RTP2: variants seen among roughly 807,000 people sequenced by gnomAD.
RTP2 encodes the protein receptor-transporting protein 2.
In RTP2, 12 loss-of-function variants were observed where a neutral mutation model predicts 17.9. The observed-to-expected ratio is 0.67, with a 90% CI of 0.43 to 1.09. RTP2 has a LOEUF of 1.09. Among genes scored for constraint, RTP2 ranks in the 50% least tolerant of loss-of-function variants. The pLI, the probability that RTP2 is intolerant of heterozygous loss-of-function variation, is 0.00. For synonymous variants in RTP2, 126 were observed against 117.7 expected (o/e 1.07, Z -0.46); for missense variants, 327 against 295.7 (o/e 1.11, Z -0.78).
At chr3:187,709,144 C>T in the RTP2 span, among the ~76,000 whole-genome samples, 1 of 152,038 alleles carries the variant, frequency 6.6e-6, no homozygotes, top group African/African-American at 2.4e-5. Flanking sequence ...TATTGTTAAA[C>T]ATTTAGAATT....
chr3:187,708,167 T>C, the RTP2 span, among the ~76,000 whole-genome samples: 17 of 152,232 alleles, frequency 1.1e-4, no homozygotes, highest in Non-Finnish European at 2.5e-4. Context: ...TCTCCAGTAG[T>C]ACATCAGCAT....
At chr3:187,705,329 T>C (rs1717964891), upstream of RTP2, among the ~76,000 whole-genome samples, 1 of 152,144 alleles carries the variant, frequency 6.6e-6, no homozygotes, top group African/African-American at 2.4e-5. Context: ...TCTGTTGAGC[T>C]GAGGCTCAAC....
At chr3:187,712,395 T>C in the RTP2 span, among the ~76,000 whole-genome samples, 1 of 152,204 alleles carries the variant, frequency 6.6e-6, no homozygotes. Flanking sequence ...ATTTATTATG[T>C]TTTGTCATAG....
chr3:187,709,757 A>T, the RTP2 span, among the ~76,000 whole-genome samples: 1 of 98,374 alleles, frequency 1.0e-5, no homozygotes, highest in Non-Finnish European at 2.6e-5. Context: ...CATCATTAAA[A>T]TTTGAAAAAA....
chr3:187,714,525 C>T, the RTP2 span, among the ~76,000 whole-genome samples: 31 of 152,372 alleles, frequency 2.0e-4, no homozygotes, highest in African/African-American at 7.5e-4. Context: ...TTTATACCTT[C>T]CTGCTTCCCT....
intron 1 of RTP2, among the ~76,000 whole-genome samples, chr3:187,699,729 CCACACACACA>C (rs1328615413): frequency 2.3e-4 from 27 of 116,534 alleles, no homozygotes; most frequent in African/African-American, 8.7e-4. Context: ...CATTGCCACT[CCACACACACA>C]CACACACACA....
chr3:187,714,306 C>T, the RTP2 span, among the ~76,000 whole-genome samples: 2 of 152,010 alleles, frequency 1.3e-5, no homozygotes, highest in Admixed American at 1.3e-4. Context: ...CTTACCTTTT[C>T]GAGAAGAGCT....
exon 1 of RTP2, chr3:187,702,055 T>C (rs1317032774): frequency 2.4e-5 from 39 of 1,613,664 alleles, no homozygotes; most frequent in Non-Finnish European, 3.2e-5. Flanking sequence ...CTCCCAGCTG[T>C]CCGCTGGCTT....
intron 1 of RTP2, among the ~76,000 whole-genome samples, 193 bp from the exon 2 acceptor site, chr3:187,699,204 G>A (rs919994999): frequency 6.6e-6 from 1 of 152,108 alleles, no homozygotes; most frequent in African/African-American, 2.4e-5. Context: ...CCTGGGACCC[G>A]AGCAGCATCC....
chr3:187,709,340 C>A, the RTP2 span, among the ~76,000 whole-genome samples: 2 of 152,202 alleles, frequency 1.3e-5, no homozygotes. Context: ...CTGAAACCTG[C>A]ATCAGCACCT....
intron 1 of RTP2, among the ~76,000 whole-genome samples, chr3:187,701,502 C>T (rs562410033): frequency 6.6e-6 from 1 of 152,264 alleles, no homozygotes; most frequent in East Asian, 1.9e-4. Flanking sequence ...AGAGCCAGTT[C>T]GTAGCACACA....
the RTP2 span, among the ~76,000 whole-genome samples, chr3:187,712,489 C>CA: frequency 6.6e-6 from 1 of 152,056 alleles, no homozygotes. Context: ...TTTAAAAAGA[C>CA]AAAGTGTGTC....
At chr3:187,714,965 G>A in the RTP2 span, among the ~76,000 whole-genome samples, 1 of 148,046 alleles carries the variant, frequency 6.8e-6, no homozygotes, top group African/African-American at 2.5e-5. Flanking sequence ...TGTACGTTAG[G>A]AAAAAAAAAA....
exon 1 of RTP2, chr3:187,701,968 C>T: frequency 1.9e-6 from 3 of 1,593,230 alleles, no homozygotes; most frequent in Non-Finnish European, 2.6e-6. Flanking sequence ...CTCTCACCTG[C>T]CTGAGGCGTG....
chr3:187,706,652 G>A (rs1717998608), upstream of RTP2, among the ~76,000 whole-genome samples: 1 of 152,160 alleles, frequency 6.6e-6, no homozygotes, highest in South Asian at 2.1e-4. Context: ...AAGCAAGTTG[G>A]AGTGCAATGG....
chr3:187,702,522 T>A lies in RTP2; in HGVS notation c.-394A>T. ...TCACCCAACTGCTCTTCTAGCATTC[T>A]CCACATCATGTGCTATGGTAAGTAC... On this transcript the variant is annotated 5_prime_UTR_variant, in exon 1 of 2. The change creates a premature stop within an existing upstream ORF in the 5' untranslated region. Coordinates refer to ENST00000358241, the Ensembl canonical transcript of RTP2. The A allele has an allele frequency of 2.2e-6, 1 of 461,444 alleles. No homozygotes were observed. Among genetic ancestry groups the A allele is most frequent in the South Asian group, 1.5e-5 (1 of 64,612 alleles). 28.6% of individuals were successfully genotyped at this position (461,444 alleles called of 1,614,324 possible). A position where few individuals can be genotyped will look rare whatever the true frequency, so the allele number is the denominator to read the frequency against.
At chr3:187,708,194 G>A in the RTP2 span, among the ~76,000 whole-genome samples, 1 of 152,168 alleles carries the variant, frequency 6.6e-6, no homozygotes, top group African/African-American at 2.4e-5. Context: ...AATGAACACA[G>A]ACACCCACGG....
At chr3:187,705,865 C>T (rs554276529), upstream of RTP2, among the ~76,000 whole-genome samples, 1 of 152,290 alleles carries the variant, frequency 6.6e-6, no homozygotes, top group South Asian at 2.1e-4. Context: ...AGGCTGGATA[C>T]TGACTTTACC....
rs765609207 is a variant in RTP2 at position 187,702,116 on chromosome 3, A to G, written c.13T>C (p.Leu5=). 5 of 1,609,436 alleles carry G rather than the reference A, an allele frequency of 3.1e-6. No homozygotes were observed. The Admixed American group carries it at 6.7e-5, about 22-fold the overall frequency. ...ACTTTCTTCCACTCACAAGTGGTCA[A>G]GCTGGTACACATGGTCCTGCTGGCA... The change falls in exon 1 of 2, where the codon TTG becomes CTG. Residue 5 remains leucine, a synonymous_variant. Transcript: ENST00000358241.
Sources: allele counts gnomAD v4.1 joint callset (sites outside exome capture counted in the v4.1 genomes callset), GRCh38; gene constraint gnomAD v4.1.1; transcripts MANE v1.5; gene names NCBI Gene and HGNC (gene_info 2026-07-23, HGNC 2026-07-21).